The following LRRK1 variants were observed in gnomAD, a reference collection of about 807,000 sequenced individuals.
LRRK1 encodes leucine-rich repeat serine/threonine-protein kinase 1.
A neutral mutation model predicts 209.1 loss-of-function variants in LRRK1; 113 were observed. The ratio of observed to expected loss-of-function variants is 0.54; its 90% CI spans 0.46 to 0.63. The LOEUF (loss-of-function observed/expected upper bound fraction) is 0.63, where lower values mean the gene tolerates loss of function less well. Among genes scored for constraint, LRRK1 ranks in the 30% least tolerant of loss-of-function variants. The pLI is 0.00. For synonymous variants in LRRK1, 1,144 were observed against 1,099.7 expected, an observed-to-expected ratio of 1.04 and a Z score of -0.80; for missense variants, 2,284 against 2,632.2, an observed-to-expected ratio of 0.87 and a Z score of 2.89.
At chr15:101,047,278 G>A (rs1261821533) in intron 21 of LRRK1, among the ~76,000 whole-genome samples, 1 of 152,216 alleles carries the variant, frequency 6.6e-6, no homozygotes, top group Non-Finnish European at 1.5e-5. Context: ...AAAGTCCATC[G>A]TGACAGTAGC....
intron 2 of LRRK1, among the ~76,000 whole-genome samples, chr15:100,970,316 G>A (rs1567206951): frequency 6.6e-6 from 1 of 152,326 alleles, no homozygotes; most frequent in Middle Eastern, 3.4e-3. Context: ...GATGATATTT[G>A]TATATGGTGA....
intron 6 of LRRK1, among the ~76,000 whole-genome samples, chr15:101,008,321 C>T (rs973885091): frequency 2.6e-5 from 4 of 152,148 alleles, no homozygotes; most frequent in Non-Finnish European, 5.9e-5. Flanking sequence ...GTATCTCAGG[C>T]TCGCTCTGAA....
At chr15:101,053,443 CCGGCCCCGGA>C (rs1489593830) in intron 26 of LRRK1, 23 bp downstream of exon 26, 30 of 1,547,040 alleles carry the variant, frequency 1.9e-5, no homozygotes, top group Non-Finnish European at 2.6e-5. Context: ...GCCGCCCCAC[CCGGCCCCGGA>C]GACCGACAGA....
intron 6 of LRRK1, among the ~76,000 whole-genome samples, chr15:101,004,471 TTA>T (rs1359344875): frequency 6.6e-6 from 1 of 152,076 alleles, no homozygotes; most frequent in East Asian, 1.9e-4. Context: ...AAACACTGAT[TTA>T]GTGTCTGCTG....
chr15:100,961,470 T>C (rs994063947), intron 2 of LRRK1, among the ~76,000 whole-genome samples: 3 of 151,960 alleles, frequency 2.0e-5, no homozygotes, highest in South Asian at 4.2e-4. Flanking sequence ...CTGGCCAACA[T>C]GGTGAAACCC....
chr15:101,073,552 A>T lies in LRRK1; in HGVS notation c.*4704A>T, dbSNP rs935430592. 8 of 150,998 alleles carry T rather than the reference A, an allele frequency of 5.3e-5. No individual in the cohort carries two copies. The highest frequency in any genetic ancestry group is 2.0e-4 in the East Asian group (1 of 5,120). 9.4% of individuals were successfully genotyped at this position (150,998 alleles called of 1,614,324 possible). ...TTCTAGAGGAGGAGCAAGTACTCCA[A>T]CCTCATATCTCTGCGCCCCAATCCC... On this transcript the variant is annotated 3_prime_UTR_variant, in exon 34 of 34. Coordinates refer to ENST00000388948, the MANE Select transcript of LRRK1 (RefSeq NM_024652.6).
At chr15:100,958,433 C>A (rs1281236490) in intron 2 of LRRK1, among the ~76,000 whole-genome samples, 1 of 152,176 alleles carries the variant, frequency 6.6e-6, no homozygotes, top group African/African-American at 2.4e-5. Context: ...CCTCTGCTCC[C>A]CAGCAAGCCC....
At position 101,027,406 on chromosome 15, in the gene LRRK1, A is replaced by T; in HGVS notation, c.2526+25A>T. 1.2e-6 allele frequency: 2 copies of T among 1,608,558 alleles called. No homozygotes were observed. Among genetic ancestry groups the T allele is most frequent in the East Asian group, 2.2e-5 (1 of 44,814 alleles). On this transcript the variant is annotated intron_variant, in intron 18 of 33. Coordinates refer to ENST00000388948, the MANE Select transcript of LRRK1 (RefSeq NM_024652.6). The surrounding 1 kb of genome is among the most constrained non-coding windows in gnomAD (Gnocchi z 5.1). ...GGTGGGTACCTTGCTGGTCCAGTTT[A>T]AACCAGTCTGCCTGCTTCCCATTGT...
Position 100,994,275 on chromosome 15 carries a change from G to A in LRRK1, c.762+4877G>A, listed in dbSNP as rs1282637314. Among the ~76,000 whole-genome samples the A allele has an allele frequency of 5.3e-5, 8 of 152,302 alleles. No individual in the cohort carries two copies. The South Asian group carries it at 1.5e-3, about 28-fold the overall frequency. ...CCGAACACAGTTCCTGAACTGTACC[G>A]CCTAGGTTTCACATAGACGAATGAT... On this transcript the variant is annotated intron_variant, in intron 6 of 33. Coordinates refer to ENST00000388948, the MANE Select transcript of LRRK1 (RefSeq NM_024652.6).
At chr15:101,063,261 G>A (rs181867890) in intron 31 of LRRK1, among the ~76,000 whole-genome samples, 184 of 152,312 alleles carry the variant, frequency 1.2e-3, no homozygotes, top group African/African-American at 4.2e-3. Flanking sequence ...AGCCAGCTGT[G>A]CTGCACCTTG....
chr15:101,052,881 A>G, intron 24 of LRRK1, 41 bp from the exon 25 acceptor site: 1 of 1,585,280 alleles, frequency 6.3e-7, no homozygotes, highest in Non-Finnish European at 8.6e-7. Flanking sequence ...CACCCGCATC[A>G]GGGCGGGGGG....
intron 16 of LRRK1, among the ~76,000 whole-genome samples, chr15:101,025,515 A>G (rs1180626377): frequency 6.6e-6 from 1 of 152,250 alleles, no homozygotes; most frequent in Non-Finnish European, 1.5e-5. Flanking sequence ...TCCGCAGACT[A>G]TACAAGCATG....
chr15:100,966,198 G>GA (rs1386134306), intron 2 of LRRK1, among the ~76,000 whole-genome samples: 2 of 152,100 alleles, frequency 1.3e-5, no homozygotes, highest in Admixed American at 6.6e-5. Context: ...GTATTTTGGA[G>GA]AAAAAAATGA....
intron 33 of LRRK1, among the ~76,000 whole-genome samples, chr15:101,067,983 C>T (rs1026315929): frequency 3.3e-5 from 5 of 152,176 alleles, no homozygotes; most frequent in African/African-American, 1.2e-4. Flanking sequence ...GTGAGAGGTC[C>T]CTGGACATCC....
intron 2 of LRRK1, among the ~76,000 whole-genome samples, chr15:100,930,914 C>T (rs185532801): frequency 9.2e-5 from 14 of 152,316 alleles, no homozygotes; most frequent in African/African-American, 2.6e-4. Flanking sequence ...GTGAATTGCA[C>T]GCACATTTTT....
intron 6 of LRRK1, among the ~76,000 whole-genome samples, chr15:101,001,611 G>A (rs1023977488): frequency 3.3e-5 from 5 of 152,190 alleles, no homozygotes; most frequent in East Asian, 3.8e-4. Context: ...TTGCTTAACT[G>A]CAGAAAGAAA....
intron 28 of LRRK1, among the ~76,000 whole-genome samples, chr15:101,057,361 C>T (rs1016288957): frequency 3.9e-5 from 6 of 152,186 alleles, no homozygotes; most frequent in Non-Finnish European, 5.9e-5. Context: ...ATGTGGGTGT[C>T]TCTTTGTAAA....
At chr15:100,958,829 G>C (rs562851795) in intron 2 of LRRK1, among the ~76,000 whole-genome samples, 1 of 152,102 alleles carries the variant, frequency 6.6e-6, no homozygotes, top group Non-Finnish European at 1.5e-5. Context: ...GCAGCGCGGG[G>C]TCAGCATGGT....
intron 6 of LRRK1, among the ~76,000 whole-genome samples, chr15:100,992,727 G>A (rs2032211655): frequency 6.6e-6 from 1 of 152,150 alleles, no homozygotes; most frequent in Admixed American, 6.5e-5. Flanking sequence ...GGAGTGCAAT[G>A]GCGTGGTCTC....
Sources: gnomAD v4.1 joint callset for allele counts (sites outside exome capture counted in the v4.1 genomes callset) on GRCh38, gnomAD v4.1.1 for gene constraint, Gnocchi (gnomAD v3.1) non-coding constraint, MANE v1.5 for transcripts, NCBI Gene and HGNC (gene_info 2026-07-23, HGNC 2026-07-21) for gene names.